Variants in KCNMA1 observed in about 807,000 individuals in gnomAD.
KCNMA1 encodes the protein Calcium-activated potassium channel subunit alpha-1.
In KCNMA1, 29 loss-of-function variants were observed where a neutral mutation model predicts 140.0. That is an observed-to-expected ratio of 0.21 (90% CI 0.15 to 0.28). The LOEUF is 0.28. Among genes scored for constraint, KCNMA1 ranks in the 10% least tolerant of loss-of-function variants. The probability of loss-of-function intolerance (pLI) is 1.00; values close to 1 mark genes in which losing one functional copy is unlikely to be tolerated. For synonymous variants in KCNMA1, 612 were observed against 611.9 expected (o/e 1.00, Z 0.00); for missense variants, 880 against 1,602.2 (o/e 0.55, Z 7.70).
intron 5 of KCNMA1, among the ~76,000 whole-genome samples, chr10:77,173,125 T>C (rs1205890895): frequency 1.3e-5 from 2 of 152,176 alleles, no homozygotes; most frequent in East Asian, 3.8e-4. Context: ...TATTTCAACA[T>C]GGACTAATGG....
At chr10:77,123,145 A>G (rs1414375795) in intron 5 of KCNMA1, among the ~76,000 whole-genome samples, 1 of 131,366 alleles carries the variant, frequency 7.6e-6, no homozygotes, top group African/African-American at 2.9e-5. Flanking sequence ...GCGCCACTGC[A>G]CTCCAGCCTG....
At chr10:77,174,595 C>T (rs577257209) in intron 5 of KCNMA1, among the ~76,000 whole-genome samples, 14 of 152,204 alleles carry the variant, frequency 9.2e-5, no homozygotes, top group Non-Finnish European at 1.5e-4. Context: ...AGCTACCATA[C>T]TGGACAGCAC....
intron 23 of KCNMA1, among the ~76,000 whole-genome samples, chr10:76,940,098 T>A (rs904022085): frequency 6.6e-6 from 1 of 152,250 alleles, no homozygotes; most frequent in Non-Finnish European, 1.5e-5. Flanking sequence ...TTTATATAAT[T>A]GTCACTGCAG....
At chr10:76,889,299 C>T in intron 27 of KCNMA1, 152 bp downstream of exon 27, 1 of 649,342 alleles carries the variant, frequency 1.5e-6, no homozygotes, top group East Asian at 2.5e-5. Context: ...TGCTTCCCAT[C>T]ACCTCCAAAC....
At position 77,396,417 on chromosome 10, in the gene KCNMA1, A is replaced by T. The variant is rs182607950; in HGVS notation, c.540+7445T>A. 8.5e-5 allele frequency among the ~76,000 whole-genome samples: 13 copies of T among 152,294 alleles called. No homozygotes were observed. In the East Asian group the frequency reaches 2.5e-3, roughly 29 times the overall value. On this transcript the variant is annotated intron_variant, in intron 2 of 27. Transcript: ENST00000286628. ...GTAGAGGATACTGATGGGAAATGTC[A>T]CAACCTCCATAGGGCACCTAACAGA...
intron 3 of KCNMA1, among the ~76,000 whole-genome samples, chr10:77,239,980 T>C (rs891569637): frequency 1.3e-5 from 2 of 152,220 alleles, no homozygotes; most frequent in African/African-American, 4.8e-5. Context: ...CCCATTTAGC[T>C]AAGTAAGTCA....
At position 77,108,612 on chromosome 10, in the gene KCNMA1, G is replaced by C; in HGVS notation, c.1132-40C>G. 6.6e-7 allele frequency: 1 copy of C among 1,514,084 alleles called. No homozygotes were observed. Among genetic ancestry groups the C allele is most frequent in the Non-Finnish European group, 9.2e-7 (1 of 1,092,006 alleles). The allele number at this position is 1,514,084 out of a possible 1,614,324, so 93.8% of individuals were successfully genotyped here. A position where few individuals can be genotyped will look rare whatever the true frequency, so the allele number is the denominator to read the frequency against. On this transcript the variant is annotated intron_variant, in intron 8 of 27. Coordinates refer to ENST00000286628, the MANE Select transcript of KCNMA1 (RefSeq NM_001161352.2). The surrounding 1 kb of genome is among the most constrained non-coding windows in gnomAD (Gnocchi z 4.6). ...GACAGAAGAGAGACTAAAAAGACAG[G>C]CCAAAGAAAAGGGGGGACCTGTTCA...
rs142757128 is a variant in KCNMA1, at chr10:77,290,947, G to A, written c.541-39691C>T. On this transcript the variant is annotated intron_variant, in intron 2 of 27. Coordinates refer to ENST00000286628, the MANE Select transcript of KCNMA1 (RefSeq NM_001161352.2). ...GGAGGGGCAGTTGGAAAGAAGGCTC[G>A]GAGATTTGATATTCAGGAAGTCCAC... Among the ~76,000 whole-genome samples the A allele has an allele frequency of 4.0e-3, 612 of 152,268 alleles. 4 individuals are homozygous for A. Among genetic ancestry groups the A allele is most frequent in the Middle Eastern group, 0.014 (4 of 294 alleles).
chr10:76,973,545 A>T (rs1397531842), intron 19 of KCNMA1, among the ~76,000 whole-genome samples: 1 of 152,180 alleles, frequency 6.6e-6, no homozygotes, highest in Non-Finnish European at 1.5e-5. Flanking sequence ...ACTAAAGAGG[A>T]TTCGTTATTT....
intron 19 of KCNMA1, among the ~76,000 whole-genome samples, chr10:76,991,793 G>A (rs1002581647): frequency 6.6e-6 from 1 of 152,166 alleles, no homozygotes; most frequent in Non-Finnish European, 1.5e-5. Flanking sequence ...TCTTGACTGA[G>A]TGTGATCCAA....
chr10:77,393,141 G>C (rs1257823589), intron 2 of KCNMA1, among the ~76,000 whole-genome samples: 1 of 152,242 alleles, frequency 6.6e-6, no homozygotes, highest in Non-Finnish European at 1.5e-5. Flanking sequence ...AATTAAGTGT[G>C]TGCACAGAGC....
chr10:77,388,351 C>G (rs1437578382), intron 2 of KCNMA1, among the ~76,000 whole-genome samples: 1 of 152,188 alleles, frequency 6.6e-6, no homozygotes, highest in Non-Finnish European at 1.5e-5. Context: ...CTGGTGTCTC[C>G]TCTACTCTCC....
chr10:77,591,141 A>G (rs964985538), intron 1 of KCNMA1, among the ~76,000 whole-genome samples: 1 of 152,052 alleles, frequency 6.6e-6, no homozygotes, highest in African/African-American at 2.4e-5. Context: ...GCCAAGGTCA[A>G]CTCCATTCTA....
chr10:77,523,154 C>A (rs187991923), intron 1 of KCNMA1, among the ~76,000 whole-genome samples: 55 of 151,148 alleles, frequency 3.6e-4, no homozygotes, highest in African/African-American at 1.2e-3. Context: ...CACTTCTAGA[C>A]TGGGACATCC....
intron 1 of KCNMA1, among the ~76,000 whole-genome samples, chr10:77,535,852 A>C (rs573087723): frequency 2.6e-5 from 4 of 152,316 alleles, no homozygotes; most frequent in East Asian, 1.9e-4. Flanking sequence ...CTCATGGAGC[A>C]AGAGAGTAGA....
chr10:77,363,630 C>T (rs1189030073), intron 2 of KCNMA1, among the ~76,000 whole-genome samples: 2 of 152,196 alleles, frequency 1.3e-5, no homozygotes, highest in Non-Finnish European at 2.9e-5. Context: ...ATGCTCTTGC[C>T]CTCCTCTCCA....
At chr10:77,492,705 T>C (rs1392810431) in intron 1 of KCNMA1, among the ~76,000 whole-genome samples, 1 of 152,208 alleles carries the variant, frequency 6.6e-6, no homozygotes, top group African/African-American at 2.4e-5. Context: ...TGTGCCTCAG[T>C]CTTTCCCTGA....
At chr10:77,428,285 C>A (rs1180233018) in intron 1 of KCNMA1, among the ~76,000 whole-genome samples, 1 of 152,190 alleles carries the variant, frequency 6.6e-6, no homozygotes, top group Non-Finnish European at 1.5e-5. Flanking sequence ...CTGCTCATCA[C>A]TGCCTATGTT....
chr10:77,007,673 A>ATATATATATATATATATATATATATATG (rs201799760), intron 18 of KCNMA1, among the ~76,000 whole-genome samples: 11 of 142,490 alleles, frequency 7.7e-5, no homozygotes, highest in African/African-American at 2.6e-4. Context: ...ATATATATAT[A>ATATATATATATATATATATATATATATG]TATGTATCAC....
Sources: gnomAD v4.1 joint callset for allele counts (sites outside exome capture counted in the v4.1 genomes callset) on GRCh38, gnomAD v4.1.1 for gene constraint, Gnocchi (gnomAD v3.1) non-coding constraint, MANE v1.5 for transcripts, NCBI Gene and HGNC (gene_info 2026-07-23, HGNC 2026-07-21) for gene names.